RBFOX1: variants seen among roughly 807,000 people sequenced by gnomAD.
RBFOX1 encodes RNA binding protein fox-1 homolog 1.
In RBFOX1, 8 loss-of-function variants were observed where a neutral mutation model predicts 57.7. That is an observed-to-expected ratio of 0.14 (90% confidence interval 0.08 to 0.25). The LOEUF is 0.25. Ranked by LOEUF, RBFOX1 falls within the 10% of genes least tolerant of loss-of-function variation. RBFOX1 has a pLI of 1.00. For synonymous variants in RBFOX1, 326 were observed against 222.4 expected (o/e 1.47, Z -4.15); for missense variants, 611 against 548.5 (o/e 1.11, Z -1.14).
chr16:6,584,977 G>A (rs570028119), intron 2 of RBFOX1, among the ~76,000 whole-genome samples: 1 of 152,264 alleles, frequency 6.6e-6, no homozygotes, highest in African/African-American at 2.4e-5. Context: ...GGGGAATCAG[G>A]CAAAAGGATG....
At chr16:6,865,891 A>G (rs2059828131) in intron 3 of RBFOX1, among the ~76,000 whole-genome samples, 1 of 152,298 alleles carries the variant, frequency 6.6e-6, no homozygotes, top group Non-Finnish European at 1.5e-5. Flanking sequence ...TTGCCTTCTA[A>G]GTAACTTAGT....
intron 4 of RBFOX1, among the ~76,000 whole-genome samples, chr16:7,293,477 C>G (rs1057394909): frequency 6.6e-6 from 1 of 152,166 alleles, no homozygotes; most frequent in African/African-American, 2.4e-5. Context: ...ATCTTCATGT[C>G]TGCTCATACA....
At chr16:5,478,171 C>A (rs961890167) in intron 2 of RBFOX1, among the ~76,000 whole-genome samples, 3 of 152,064 alleles carry the variant, frequency 2.0e-5, no homozygotes, top group Non-Finnish European at 4.4e-5. Context: ...CTCAGCTTGG[C>A]GGAGTAAATT....
intron 12 of RBFOX1, among the ~76,000 whole-genome samples, chr16:7,663,088 C>G (rs1332486666): frequency 2.6e-5 from 4 of 152,222 alleles, no homozygotes; most frequent in African/African-American, 9.7e-5. Flanking sequence ...TTTGATATGG[C>G]TAAGTGATCA....
intron 1 of RBFOX1, among the ~76,000 whole-genome samples, chr16:5,413,059 G>A (rs187869139): frequency 2.0e-5 from 3 of 152,322 alleles, no homozygotes; most frequent in Admixed American, 2.0e-4. Context: ...TTGCCCTAGG[G>A]GGTGTGCAGA....
intron 3 of RBFOX1, among the ~76,000 whole-genome samples, chr16:6,930,521 T>C (rs1282366926): frequency 6.6e-6 from 1 of 152,046 alleles, no homozygotes; most frequent in African/African-American, 2.4e-5. Flanking sequence ...GTGATTCTCC[T>C]GCCTCAGCCT....
intron 1 of RBFOX1, among the ~76,000 whole-genome samples, chr16:6,234,947 G>A (rs531799239): frequency 6.6e-6 from 1 of 152,284 alleles, no homozygotes; most frequent in East Asian, 1.9e-4. Flanking sequence ...GGGAAACTGG[G>A]TAAATTGTGC....
At chr16:5,639,040 C>G (rs945412587) in intron 3 of RBFOX1, among the ~76,000 whole-genome samples, 5 of 152,214 alleles carry the variant, frequency 3.3e-5, no homozygotes, top group African/African-American at 1.2e-4. Context: ...GAGCTTTACT[C>G]TTGTCCTCTT....
At chr16:7,520,237 C>G (rs1236455630) in intron 5 of RBFOX1, among the ~76,000 whole-genome samples, 2 of 152,084 alleles carry the variant, frequency 1.3e-5, no homozygotes, top group Admixed American at 6.5e-5. Flanking sequence ...TTTTTAGTTG[C>G]CTTCCTCCCT....
chr16:6,489,559 C>A (rs772887167), intron 2 of RBFOX1, among the ~76,000 whole-genome samples: 2 of 152,130 alleles, frequency 1.3e-5, no homozygotes, highest in Non-Finnish European at 2.9e-5. Flanking sequence ...GCCATTTTCT[C>A]ATGTACTTTA....
rs571741085 is a variant in RBFOX1 at position 5,990,354 on chromosome 16, A to G, written c.351+123019A>G. ...GGAAAGAATCAGCTGGCCTTGGGCA[A>G]TGAACTATAACAACATTATATACCA... On this transcript the variant is annotated intron_variant, in intron 4 of 19. Transcript: ENST00000641259. Among the ~76,000 whole-genome samples the G allele has an allele frequency of 5.9e-5, 9 of 152,338 alleles. No individual in the cohort carries two copies. In the East Asian group the frequency reaches 1.4e-3, roughly 23 times the overall value.
At chr16:7,267,971 A>C (rs2095213825) in intron 4 of RBFOX1, among the ~76,000 whole-genome samples, 1 of 152,188 alleles carries the variant, frequency 6.6e-6, no homozygotes, top group African/African-American at 2.4e-5. Context: ...ATCGTTAGGC[A>C]ATCTTGTCAT....
intron 4 of RBFOX1, among the ~76,000 whole-genome samples, chr16:7,375,149 G>A (rs777665813): frequency 2.6e-5 from 4 of 152,268 alleles, no homozygotes; most frequent in Middle Eastern, 3.4e-3. Context: ...TTTCAGTAAC[G>A]TTGGTAGATT....
intron 4 of RBFOX1, among the ~76,000 whole-genome samples, chr16:5,984,628 G>T (rs2060245247): frequency 6.6e-6 from 1 of 152,104 alleles, no homozygotes; most frequent in Admixed American, 6.5e-5. Context: ...AGGGCTAAGT[G>T]CTTTACCTGT....
chr16:7,132,403 G>A (rs2070724309), intron 4 of RBFOX1, among the ~76,000 whole-genome samples: 1 of 150,022 alleles, frequency 6.7e-6, no homozygotes, highest in South Asian at 2.1e-4. Flanking sequence ...TCCATTGATG[G>A]GTGAAAGGTT....
chr16:6,003,034 C>G (rs1199960036), intron 4 of RBFOX1, among the ~76,000 whole-genome samples: 3 of 152,012 alleles, frequency 2.0e-5, no homozygotes, highest in Non-Finnish European at 1.5e-5. Context: ...AATCCCAACA[C>G]TTTGGGAGGC....
At chr16:6,843,666 G>C (rs2093611816) in intron 3 of RBFOX1, among the ~76,000 whole-genome samples, 2 of 152,200 alleles carry the variant, frequency 1.3e-5, no homozygotes, top group African/African-American at 4.8e-5. Context: ...TCCAGCCTGG[G>C]TGACAGAGCG....
intron 4 of RBFOX1, chr16:5,867,366 A>G (rs1365753824): frequency 8.6e-7 from 1 of 1,163,690 alleles, no homozygotes; most frequent in Non-Finnish European, 1.1e-6. Context: ...GTCCCTTTAG[A>G]AGATAGTTTG....
chr16:6,118,656 C>A (rs1366764297), intron 1 of RBFOX1, among the ~76,000 whole-genome samples: 1 of 149,972 alleles, frequency 6.7e-6, no homozygotes, highest in Non-Finnish European at 1.5e-5. Context: ...TTCTCTTTCC[C>A]TCTCCTTCCT....
Sources: allele counts gnomAD v4.1 joint callset (sites outside exome capture counted in the v4.1 genomes callset), GRCh38; gene constraint gnomAD v4.1.1; transcripts MANE v1.5; gene names NCBI Gene and HGNC (gene_info 2026-07-23, HGNC 2026-07-21).